The following LDB2 variants were observed in gnomAD, a reference collection of about 807,000 sequenced individuals.
LDB2 encodes the protein LIM domain-binding protein 2.
A neutral mutation model predicts 44.3 loss-of-function variants in LDB2; 12 were observed. That is an observed-to-expected ratio of 0.27 (90% confidence interval 0.17 to 0.44). The LOEUF is 0.44. Ranked by LOEUF, LDB2 falls within the 20% of genes least tolerant of loss-of-function variation. LDB2 has a pLI of 1.00. For synonymous variants in LDB2, 164 were observed against 174.8 expected (o/e 0.94, Z 0.49); for missense variants, 344 against 473.5 (o/e 0.73, Z 2.54).
intron 5 of LDB2, among the ~76,000 whole-genome samples, chr4:16,559,563 G>A (rs1205659943): frequency 6.6e-5 from 10 of 152,106 alleles, no homozygotes; most frequent in African/African-American, 1.9e-4. Flanking sequence ...CAGATTCATA[G>A]AGCAAGTCCT....
intron 2 of LDB2, among the ~76,000 whole-genome samples, chr4:16,648,061 T>A (rs1222984946): frequency 1.3e-5 from 2 of 152,174 alleles, no homozygotes; most frequent in East Asian, 3.9e-4. Flanking sequence ...TTTTCTTGTA[T>A]CCCAAACACA....
Position 16,898,622 on chromosome 4 carries a change from G to A in LDB2, c.-137C>T. ...ACACACAGAGGCAGGCAGGCAGGCA[G>A]GCTGAACACGCTGGCTGGGAACTGC... On this transcript the variant is annotated 5_prime_UTR_variant, in exon 1 of 8. Coordinates refer to ENST00000304523, the MANE Select transcript of LDB2 (RefSeq NM_001290.5). 6.9e-6 allele frequency: 5 copies of A among 725,098 alleles called. No individual in the cohort carries two copies. Among genetic ancestry groups the A allele is most frequent in the Admixed American group, 2.6e-5 (1 of 37,754 alleles). The allele number at this position is 725,098 out of a possible 1,614,324, so 44.9% of individuals were successfully genotyped here.
intron 1 of LDB2, among the ~76,000 whole-genome samples, chr4:16,847,573 A>C (rs969172154): frequency 2.0e-5 from 3 of 152,078 alleles, no homozygotes; most frequent in African/African-American, 7.2e-5. Context: ...CTTGGCAATC[A>C]TTGGTAAAGG....
At chr4:16,516,320 A>G (rs919411850) in intron 5 of LDB2, among the ~76,000 whole-genome samples, 1 of 152,212 alleles carries the variant, frequency 6.6e-6, no homozygotes, top group Admixed American at 6.5e-5. Context: ...AATAATCTGT[A>G]GATATTATTA....
chr4:16,528,388 G>A (rs536983450), intron 5 of LDB2, among the ~76,000 whole-genome samples: 43 of 152,256 alleles, frequency 2.8e-4, no homozygotes, highest in Middle Eastern at 3.4e-3. Context: ...AGGTAATTGA[G>A]GTTTTTGTCA....
At chr4:16,535,506 T>C (rs946607825) in intron 5 of LDB2, among the ~76,000 whole-genome samples, 3 of 152,152 alleles carry the variant, frequency 2.0e-5, no homozygotes, top group Admixed American at 6.5e-5. Flanking sequence ...GCAGACATAG[T>C]CCCTTCCTTC....
At chr4:16,696,048 C>T (rs972239767) in intron 2 of LDB2, among the ~76,000 whole-genome samples, 1 of 152,128 alleles carries the variant, frequency 6.6e-6, no homozygotes, top group Admixed American at 6.5e-5. Context: ...CCTGACTTGA[C>T]TGTGGGCAGA....
chr4:16,785,500 G>A (rs959353000), intron 1 of LDB2, among the ~76,000 whole-genome samples: 1 of 152,180 alleles, frequency 6.6e-6, no homozygotes, highest in Non-Finnish European at 1.5e-5. Context: ...CCGTAAACAG[G>A]CCAAAATGTA....
intron 1 of LDB2, among the ~76,000 whole-genome samples, chr4:16,861,110 G>C (rs1394448827): frequency 6.6e-6 from 1 of 152,116 alleles, no homozygotes; most frequent in Non-Finnish European, 1.5e-5. Flanking sequence ...ATGATCATTG[G>C]AACGTTCATA....
At chr4:16,823,534 T>G (rs1782493211) in intron 1 of LDB2, among the ~76,000 whole-genome samples, 2 of 152,122 alleles carry the variant, frequency 1.3e-5, no homozygotes, top group Non-Finnish European at 2.9e-5. Flanking sequence ...TGCGAAAACA[T>G]CCAGATAGAA....
At chr4:16,560,609 T>C (rs1344444633) in intron 5 of LDB2, among the ~76,000 whole-genome samples, 3 of 152,294 alleles carry the variant, frequency 2.0e-5, no homozygotes, top group Non-Finnish European at 4.4e-5. Context: ...CAGGACCAGA[T>C]GGATTCACAG....
In LDB2 at chr4:16,505,971, C is replaced by G. The variant is rs185600331; in HGVS notation, c.891+2564G>C. The G allele has an allele frequency of 1.0e-5, 16 of 1,551,464 alleles. 1 individual carries two copies. The African/African-American group carries it at 1.6e-4, about 16-fold the overall frequency. On this transcript the variant is annotated intron_variant, in intron 7 of 7. Coordinates refer to ENST00000304523, the MANE Select transcript of LDB2 (RefSeq NM_001290.5). ...CAGGGTTGAGGCTGCAGTTCGGGAT[C>G]GCTCCTAGCCCCTGCTCATGGAGTG...
At chr4:16,518,776 A>G (rs1218958641) in intron 5 of LDB2, among the ~76,000 whole-genome samples, 1 of 152,262 alleles carries the variant, frequency 6.6e-6, no homozygotes, top group Non-Finnish European at 1.5e-5. Context: ...GAGGCAGAGC[A>G]TGTTCAATTC....
intron 2 of LDB2, among the ~76,000 whole-genome samples, chr4:16,693,361 T>TTTTTTC (rs1751298967): frequency 6.8e-6 from 1 of 147,456 alleles, no homozygotes; most frequent in African/African-American, 2.5e-5. Context: ...TTTTTTTTTT[T>TTTTTTC]TTTTTTTTGA....
intron 1 of LDB2, among the ~76,000 whole-genome samples, chr4:16,772,059 C>T (rs1344565542): frequency 6.6e-6 from 1 of 152,098 alleles, no homozygotes; most frequent in Non-Finnish European, 1.5e-5. Context: ...TCCTTCGGGC[C>T]CAGGGCTGCA....
chr4:16,544,419 G>T (rs1734981609), intron 5 of LDB2, among the ~76,000 whole-genome samples: 1 of 152,148 alleles, frequency 6.6e-6, no homozygotes, highest in African/African-American at 2.4e-5. Flanking sequence ...GAGGAGTTTG[G>T]ATTTCACTGT....
chr4:16,542,108 G>GC (rs1553889215), intron 5 of LDB2, among the ~76,000 whole-genome samples: 2 of 147,350 alleles, frequency 1.4e-5, no homozygotes, highest in African/African-American at 2.5e-5. Flanking sequence ...TGGTGGGGGG[G>GC]GGGGCGCGAG....
At chr4:16,542,116 G>A (rs1307788804) in intron 5 of LDB2, among the ~76,000 whole-genome samples, 2 of 142,494 alleles carry the variant, frequency 1.4e-5, no homozygotes, top group Non-Finnish European at 3.1e-5. Context: ...GGGGGGGCGC[G>A]AGCAGGAGGG....
chr4:16,700,123 C>T (rs1290139623), intron 2 of LDB2, among the ~76,000 whole-genome samples: 1 of 152,134 alleles, frequency 6.6e-6, no homozygotes, highest in East Asian at 1.9e-4. Context: ...TGAACATTTC[C>T]TTCGACCCTC....
Sources: gnomAD v4.1 joint callset for allele counts (sites outside exome capture counted in the v4.1 genomes callset) on GRCh38, gnomAD v4.1.1 for gene constraint, MANE v1.5 for transcripts, NCBI Gene and HGNC (gene_info 2026-07-23, HGNC 2026-07-21) for gene names.